ARHGAP32: variants seen among roughly 807,000 people sequenced by gnomAD.
ARHGAP32 encodes the protein rho GTPase-activating protein 32.
In ARHGAP32, 51 loss-of-function variants were observed where a neutral mutation model predicts 186.5. That is an observed-to-expected ratio of 0.27 (90% CI 0.22 to 0.35). The LOEUF (loss-of-function observed/expected upper bound fraction) is 0.35, where lower values mean the gene tolerates loss of function less well. Ranked by LOEUF, ARHGAP32 falls within the 10% of genes least tolerant of loss-of-function variation. ARHGAP32 has a pLI of 1.00. For missense variants in ARHGAP32, 2,186 were observed against 2,623.5 expected, an observed-to-expected ratio of 0.83 and a Z score of 3.64; for synonymous variants, 950 against 964.3, an observed-to-expected ratio of 0.99 and a Z score of 0.27.
At chr11:129,019,941 A>G (rs988529858) in intron 11 of ARHGAP32, among the ~76,000 whole-genome samples, 15 of 152,110 alleles carry the variant, frequency 9.9e-5, no homozygotes, top group African/African-American at 3.1e-4. Flanking sequence ...ATAACTCACT[A>G]TAAGATTTTA....
Position 128,967,505 on chromosome 11 carries a change from G to C in ARHGAP32, c.*1402C>G, listed in dbSNP as rs751372969. 6 of 152,172 alleles carry C rather than the reference G, an allele frequency of 3.9e-5. No individual in the cohort carries two copies. Among genetic ancestry groups the C allele is most frequent in the Admixed American group, 6.5e-5 (1 of 15,278 alleles). The allele number at this position is 152,172 out of a possible 1,614,324, so 9.4% of individuals were successfully genotyped here. On this transcript the variant is annotated 3_prime_UTR_variant, in exon 23 of 23. Transcript: ENST00000682385. ...CTGCCTTGCTAGTCTGATGTATTTT[G>C]GGGGGTGGAGGGAGCTGAGAACATA...
intron 6 of ARHGAP32, among the ~76,000 whole-genome samples, chr11:129,080,273 A>T (rs1036906493): frequency 6.6e-6 from 1 of 152,204 alleles, no homozygotes; most frequent in South Asian, 2.1e-4. Flanking sequence ...TTTACAGAAC[A>T]TTCTACCCAA....
chr11:129,132,657 C>T (rs1046525873), intron 2 of ARHGAP32, among the ~76,000 whole-genome samples: 7 of 152,140 alleles, frequency 4.6e-5, no homozygotes, highest in Non-Finnish European at 8.8e-5. Flanking sequence ...AGTCTCACAG[C>T]ATAATATTCA....
At chr11:129,179,269 G>A (rs1943994330) in intron 1 of ARHGAP32, among the ~76,000 whole-genome samples, 1 of 152,146 alleles carries the variant, frequency 6.6e-6, no homozygotes, top group Non-Finnish European at 1.5e-5. Context: ...AGTTAGAATG[G>A]CAATCATTAA....
chr11:129,145,928 A>C (rs778527428), intron 2 of ARHGAP32, among the ~76,000 whole-genome samples: 2 of 152,158 alleles, frequency 1.3e-5, no homozygotes, highest in Admixed American at 6.5e-5. Context: ...AGACAGACTT[A>C]ACAGTTGTTT....
At chr11:129,029,127 T>A (rs933731372) in intron 11 of ARHGAP32, among the ~76,000 whole-genome samples, 1 of 152,354 alleles carries the variant, frequency 6.6e-6, no homozygotes, top group African/African-American at 2.4e-5. Context: ...TAGGTTCCTA[T>A]AAGCAATTCT....
intron 5 of ARHGAP32, among the ~76,000 whole-genome samples, chr11:129,119,906 G>A (rs1591631348): frequency 1.3e-5 from 2 of 152,090 alleles, no homozygotes; most frequent in East Asian, 3.9e-4. Flanking sequence ...GAGGGGAAGA[G>A]AAGAAAGATG....
intron 5 of ARHGAP32, among the ~76,000 whole-genome samples, chr11:129,119,397 A>C (rs912948924): frequency 6.6e-6 from 1 of 152,070 alleles, no homozygotes; most frequent in African/African-American, 2.4e-5. Context: ...ACTCATAAGG[A>C]ATATATATTC....
At chr11:129,231,002 G>A (rs1337981337) in intron 1 of ARHGAP32, among the ~76,000 whole-genome samples, 1 of 152,076 alleles carries the variant, frequency 6.6e-6, no homozygotes, top group African/African-American at 2.4e-5. Context: ...GGCCATGGTG[G>A]TGGGTGCCTG....
intron 11 of ARHGAP32, among the ~76,000 whole-genome samples, chr11:129,033,246 A>G (rs1939187550): frequency 6.6e-6 from 1 of 152,208 alleles, no homozygotes; most frequent in Non-Finnish European, 1.5e-5. Context: ...ATTTCTATGC[A>G]TGTGTCTTAG....
intron 1 of ARHGAP32, among the ~76,000 whole-genome samples, chr11:129,187,265 G>A (rs993824868): frequency 5.3e-5 from 8 of 151,996 alleles, no homozygotes; most frequent in South Asian, 2.1e-4. Flanking sequence ...AGCCAGGCAC[G>A]GAAAGACAAA....
chr11:129,121,824 C>A (rs1942538384), intron 5 of ARHGAP32, among the ~76,000 whole-genome samples: 1 of 152,078 alleles, frequency 6.6e-6, no homozygotes, highest in South Asian at 2.1e-4. Flanking sequence ...AAATTAGACA[C>A]AGTCCTCCAA....
intron 6 of ARHGAP32, among the ~76,000 whole-genome samples, chr11:129,086,587 C>G (rs916541110): frequency 1.3e-5 from 2 of 151,990 alleles, no homozygotes; most frequent in African/African-American, 2.4e-5. Context: ...TTTGGGAGGC[C>G]AAGGCGGGCG....
At chr11:129,162,893 T>C (rs911702623) in intron 2 of ARHGAP32, among the ~76,000 whole-genome samples, 10 of 152,148 alleles carry the variant, frequency 6.6e-5, no homozygotes, top group Non-Finnish European at 1.3e-4. Context: ...AGAAGGGAGA[T>C]TTCCATTCCC....
intron 10 of ARHGAP32, among the ~76,000 whole-genome samples, chr11:129,054,896 TA>T (rs1478708382): frequency 6.6e-6 from 1 of 152,240 alleles, no homozygotes; most frequent in Non-Finnish European, 1.5e-5. Flanking sequence ...CAGTATAATT[TA>T]AACACATGGA....
Position 128,974,426 on chromosome 11 carries a change from G to T in ARHGAP32, c.2771C>A (p.Pro924Gln). ...CCGTGGTGGTAGGGTCACTGAAATT[G>T]GCTCAGATATGCTCATAGAAGGTGA... Reference protein sequence around the residue: ...SKSPSMSISEPISVTLPPRVS... With the variant: ...SKSPSMSISEQISVTLPPRVS... The change falls in exon 21 of 23, where the codon CCA becomes CAA. Residue 924 changes from proline to glutamine, a missense_variant. Physicochemically the swap from Pro to Gln is moderately conservative, Grantham distance 76. Coordinates refer to ENST00000682385, the MANE Select transcript of ARHGAP32 (RefSeq NM_001378024.1). The T allele has an allele frequency of 1.9e-6, 3 of 1,614,146 alleles. No homozygotes were observed. Among genetic ancestry groups the T allele is most frequent in the Non-Finnish European group, 2.5e-6 (3 of 1,179,986 alleles).
intron 19 of ARHGAP32, among the ~76,000 whole-genome samples, chr11:128,976,908 T>G (rs866868082): frequency 1.3e-5 from 2 of 152,354 alleles, no homozygotes; most frequent in Non-Finnish European, 1.5e-5. Flanking sequence ...AGAGATTAAC[T>G]AAGATGCTTC....
intron 19 of ARHGAP32, 59 bp from the exon 20 acceptor site, chr11:128,976,693 G>A: frequency 7.0e-7 from 1 of 1,425,670 alleles, no homozygotes; most frequent in Non-Finnish European, 9.9e-7. Flanking sequence ...TGTGGTTAAT[G>A]GGATCGGTGT....
At chr11:129,157,227 G>A (rs1287438390) in intron 2 of ARHGAP32, among the ~76,000 whole-genome samples, 2 of 152,098 alleles carry the variant, frequency 1.3e-5, no homozygotes, top group East Asian at 3.9e-4. Flanking sequence ...CAGAGAATGA[G>A]TCTGACGAAT....
Sources: gnomAD v4.1 joint callset for allele counts (sites outside exome capture counted in the v4.1 genomes callset) on GRCh38, gnomAD v4.1.1 for gene constraint, MANE v1.5 for transcripts, NCBI Gene and HGNC (gene_info 2026-07-23, HGNC 2026-07-21) for gene names.